Variants in HERC5 observed in about 807,000 individuals in gnomAD.
The protein encoded by HERC5 is HECT and RLD domain containing E3 ubiquitin protein ligase 5, also known as E3 ISG15--protein ligase HERC5.
Under a neutral mutation model 119.6 loss-of-function variants are expected in HERC5, and 99 were observed. That is an observed-to-expected ratio of 0.83 (90% CI 0.70 to 0.98). The LOEUF is 0.98. HERC5 is among the 50% of genes least tolerant of loss of function. The probability of loss-of-function intolerance (pLI) is 0.00; values close to 1 mark genes in which losing one functional copy is unlikely to be tolerated. For synonymous variants in HERC5, 478 were observed against 445.9 expected (o/e 1.07, Z -0.91); for missense variants, 1,267 against 1,241.3 (o/e 1.02, Z -0.31).
At chr4:88,495,118 A>G (rs1318909393) in intron 18 of HERC5, among the ~76,000 whole-genome samples, 3 of 152,242 alleles carry the variant, frequency 2.0e-5, no homozygotes, top group Non-Finnish European at 4.4e-5. Flanking sequence ...ACAACCATGC[A>G]AGGATCAGTG....
intron 3 of HERC5, among the ~76,000 whole-genome samples, chr4:88,460,882 T>A (rs1451844674): frequency 6.6e-6 from 1 of 151,890 alleles, no homozygotes; most frequent in Non-Finnish European, 1.5e-5. Flanking sequence ...CCCAGCTACT[T>A]GGGAGGGTGA....
At position 88,459,983 on chromosome 4, in the gene HERC5, T is replaced by C. The variant is rs1193886058; in HGVS notation, c.390-112T>C. ...GATGTACTGAATGTGATGCAGTAAA[T>C]TGAAAGTTTTTTCTTGAGCTTCATT... On this transcript the variant is annotated intron_variant, in intron 2 of 22. Coordinates refer to ENST00000264350, the MANE Select transcript of HERC5 (RefSeq NM_016323.4). 8.4e-6 allele frequency: 5 copies of C among 594,096 alleles called. No homozygotes were observed. In the East Asian group the frequency reaches 1.6e-4, roughly 19 times the overall value. 36.8% of individuals were successfully genotyped at this position (594,096 alleles called of 1,614,324 possible).
At chr4:88,475,445 A>G (rs962461055) in intron 11 of HERC5, among the ~76,000 whole-genome samples, 3 of 150,826 alleles carry the variant, frequency 2.0e-5, no homozygotes, top group African/African-American at 7.3e-5. Flanking sequence ...CAGCCTCCCA[A>G]GGAGCTGGGA....
Position 88,462,269 on chromosome 4 carries a change from G to T in HERC5, c.601G>T (p.Ala201Ser). The T allele has an allele frequency of 6.2e-7, 1 of 1,614,194 alleles. No homozygotes were observed. Among genetic ancestry groups the T allele is most frequent in the Non-Finnish European group, 8.5e-7 (1 of 1,180,024 alleles). The change falls in exon 4 of 23, where the codon GCC (alanine) becomes TCC (serine). Residue 201 changes from alanine (A) to serine (S), a missense_variant. Physicochemically the swap from Ala to Ser is moderately conservative, Grantham distance 99 (BLOSUM62 1). This residue lies in a region of HERC5 where 777 missense variants were observed against 758.0 expected (regional missense o/e 1.03). Coordinates refer to ENST00000264350, the MANE Select transcript of HERC5 (RefSeq NM_016323.4). ...CTTGGCTCAGATTTCTGCCGGAGAA[G>T]CCCACAGCATGGCCTTATCCATGTC... Reference protein sequence around the residue: ...VPLAQISAGEAHSMALSMSGN... With the variant: ...VPLAQISAGESHSMALSMSGN...
chr4:88,478,058 A>G (rs74782314), intron 12 of HERC5, among the ~76,000 whole-genome samples: 1,850 of 152,308 alleles, frequency 0.012, 19 homozygotes, highest in Middle Eastern at 0.041. Flanking sequence ...TTGTAGTTGT[A>G]TTAACTGTAA....
chr4:88,462,070 G>A (rs1740461792), intron 3 of HERC5, 65 bp from the exon 4 acceptor site: 3 of 1,345,662 alleles, frequency 2.2e-6, no homozygotes, highest in Non-Finnish European at 3.1e-6. Context: ...CATGCATAAT[G>A]CTTTAGGGTA....
intron 22 of HERC5, among the ~76,000 whole-genome samples, chr4:88,505,470 A>C (rs567000032): frequency 1.3e-5 from 2 of 152,322 alleles, no homozygotes; most frequent in African/African-American, 2.4e-5. Flanking sequence ...CAAGAATCTA[A>C]TATTCCCAGT....
intron 13 of HERC5, among the ~76,000 whole-genome samples, chr4:88,483,508 G>A (rs148757029): frequency 1.1e-3 from 160 of 148,322 alleles, no homozygotes; most frequent in African/African-American, 3.7e-3. Context: ...CCACCACACC[G>A]GCTCTATAGG....
Position 88,494,215 on chromosome 4 carries a change from T to C in HERC5, c.2328T>C (p.Leu776=). 13 of 1,613,670 alleles carry C rather than the reference T, an allele frequency of 8.1e-6. No individual in the cohort carries two copies. The highest frequency in any genetic ancestry group is 1.0e-5 in the Non-Finnish European group (12 of 1,179,752). Reference sequence around the variant, plus strand: ...TCTTTTTTGGGGTTCTATGTGGACTTTCCCTGTTCAATTGCAATGTTGCCA... The same window carrying C: ...TCTTTTTTGGGGTTCTATGTGGACTCTCCCTGTTCAATTGCAATGTTGCCA... ...RYFFFGVLCG[L]SLFNCNVANL... The change falls in exon 18 of 23, where the codon CTT becomes CTC. Residue 776 remains leucine (L), a synonymous_variant. Coordinates refer to ENST00000264350, the MANE Select transcript of HERC5 (RefSeq NM_016323.4).
intron 16 of HERC5, among the ~76,000 whole-genome samples, chr4:88,490,940 TC>T (rs1741616080): frequency 1.3e-5 from 2 of 152,228 alleles, no homozygotes; most frequent in Non-Finnish European, 2.9e-5. Flanking sequence ...GTTATGTGAT[TC>T]TATGCTTTGC....
At chr4:88,479,229 G>T (rs562394281) in intron 12 of HERC5, 124 bp from the exon 13 acceptor site, 1 of 596,048 alleles carries the variant, frequency 1.7e-6, no homozygotes, top group African/African-American at 1.9e-5. Flanking sequence ...AGGATGTAGT[G>T]AGCTGAGATC....
chr4:88,502,785 A>G (rs1179557152), intron 20 of HERC5, among the ~76,000 whole-genome samples: 1 of 152,020 alleles, frequency 6.6e-6, no homozygotes, highest in Non-Finnish European at 1.5e-5. Context: ...AATGTTAAGC[A>G]CTTTATATGC....
intron 9 of HERC5, 116 bp downstream of exon 9, chr4:88,469,376 C>T (rs541961619): frequency 1.5e-4 from 110 of 715,710 alleles, no homozygotes; most frequent in Admixed American, 7.5e-4. Flanking sequence ...GAAACAAACT[C>T]ATAGGATATG....
At chr4:88,457,629 A>C (rs1373854017) in intron 1 of HERC5, 95 bp downstream of exon 1, 2 of 1,181,378 alleles carry the variant, frequency 1.7e-6, no homozygotes, top group Non-Finnish European at 2.1e-6. Flanking sequence ...CGCCTGAGGG[A>C]GGAGAGCCCA....
chr4:88,479,284 CAA>C (rs376253040), intron 12 of HERC5, 67 bp from the exon 13 acceptor site: 53,914 of 890,792 alleles, frequency 0.061, no homozygotes, highest in South Asian at 0.088. Flanking sequence ...GACTCTGTCT[CAA>C]AAAAAAAAAA....
At chr4:88,485,718 A>G (rs1202456296) in intron 13 of HERC5, among the ~76,000 whole-genome samples, 3 of 152,178 alleles carry the variant, frequency 2.0e-5, no homozygotes, top group Non-Finnish European at 2.9e-5. Flanking sequence ...TCCTCTCGGT[A>G]GGGGAATGTT....
intron 15 of HERC5, 126 bp downstream of exon 15, chr4:88,487,305 G>A: frequency 1.8e-6 from 1 of 559,322 alleles, no homozygotes; most frequent in South Asian, 2.4e-5. Context: ...CATTCAAGGA[G>A]CTTATACTCT....
chr4:88,492,409 TA>T (rs1406771286), intron 16 of HERC5, among the ~76,000 whole-genome samples: 2 of 152,000 alleles, frequency 1.3e-5, no homozygotes, highest in Non-Finnish European at 2.9e-5. Flanking sequence ...CCTAAAGTGG[TA>T]AAAACTTTAG....
chr4:88,467,098 CTT>C lies in HERC5; in HGVS notation c.954_955del (p.Ser319LeufsTer16). The C allele has an allele frequency of 6.2e-7, 1 of 1,614,110 alleles. No individual in the cohort carries two copies. Among genetic ancestry groups the C allele is most frequent in the Non-Finnish European group, 8.5e-7 (1 of 1,180,006 alleles). On this transcript the variant is annotated frameshift_variant, in exon 7 of 23. Transcript: ENST00000264350. LOFTEE classifies it high-confidence loss of function. ...CCTATGTTTCTGATTTGGGAAAGGT[CTT>C]TTCCTTTGGTTCTGGAAAAGATGGA... ...LAYVSDLGKV[F>X]SFGSGKDGQL...
Sources: gnomAD v4.1 joint callset for allele counts (sites outside exome capture counted in the v4.1 genomes callset) on GRCh38, gnomAD v4.1.1 for gene constraint, gnomAD v4.1.1 regional missense constraint, MANE v1.5 for transcripts, NCBI Gene and HGNC (gene_info 2026-07-23, HGNC 2026-07-21) for gene names.